AKAP13: variants seen among roughly 807,000 people sequenced by gnomAD.
The protein encoded by AKAP13 is A-kinase anchor protein 13.
Under a neutral mutation model 264.5 loss-of-function variants are expected in AKAP13, and 80 were observed. The observed-to-expected ratio is 0.30, with a 90% CI of 0.25 to 0.36. AKAP13 has a LOEUF of 0.36. Among genes scored for constraint, AKAP13 ranks in the 10% least tolerant of loss-of-function variants. AKAP13 has a pLI of 1.00. For missense variants in AKAP13, 3,712 were observed against 3,435.2 expected (o/e 1.08, Z -2.01); for synonymous variants, 1,380 against 1,250.2 (o/e 1.10, Z -2.19).
chr15:85,642,012 A>G (rs1209253860), intron 9 of AKAP13, among the ~76,000 whole-genome samples: 1 of 152,232 alleles, frequency 6.6e-6, no homozygotes. Context: ...CTGAAAAGCT[A>G]ATAGCTCAGT....
intron 17 of AKAP13, among the ~76,000 whole-genome samples, chr15:85,704,467 A>G (rs1415828196): frequency 1.3e-5 from 2 of 152,228 alleles, no homozygotes. Context: ...GTTAAAAAAA[A>G]GATACAGCAA....
intron 5 of AKAP13, among the ~76,000 whole-genome samples, chr15:85,553,737 C>T (rs1394967486): frequency 6.6e-6 from 1 of 152,188 alleles, no homozygotes. Flanking sequence ...TGTTAGGACC[C>T]AGGTTGCACA....
chr15:85,392,420 A>G (rs1282804670), intron 1 of AKAP13, among the ~76,000 whole-genome samples: 2 of 151,230 alleles, frequency 1.3e-5, no homozygotes, highest in Non-Finnish European at 3.0e-5. Context: ...ACGCCCGGCT[A>G]ATTTTTGTAT....
At chr15:85,621,685 T>C (rs971293349) in intron 8 of AKAP13, among the ~76,000 whole-genome samples, 1 of 152,212 alleles carries the variant, frequency 6.6e-6, no homozygotes, top group Non-Finnish European at 1.5e-5. Context: ...TGCTGTTTTA[T>C]AGTTTTAATG....
intron 30 of AKAP13, among the ~76,000 whole-genome samples, chr15:85,732,074 C>T (rs1328342834): frequency 1.8e-5 from 2 of 112,232 alleles, no homozygotes; most frequent in Admixed American, 1.0e-4. Flanking sequence ...CAGAGCGAGA[C>T]TATCTCAAAA....
chr15:85,477,173 A>C (rs1272140512), intron 1 of AKAP13, among the ~76,000 whole-genome samples: 2 of 152,018 alleles, frequency 1.3e-5, no homozygotes, highest in Non-Finnish European at 2.9e-5. Context: ...TACTTCTGTG[A>C]AGGCAGAGAG....
chr15:85,407,968 A>G (rs184723129), intron 1 of AKAP13, among the ~76,000 whole-genome samples: 34 of 151,766 alleles, frequency 2.2e-4, no homozygotes, highest in African/African-American at 8.3e-4. Context: ...CAGCAGATCT[A>G]ATGGACATTT....
intron 5 of AKAP13, among the ~76,000 whole-genome samples, chr15:85,550,958 T>TG (rs2077941853): frequency 6.6e-6 from 1 of 152,332 alleles, no homozygotes; most frequent in African/African-American, 2.4e-5. Context: ...GTGCTTTACT[T>TG]GCGTTTTCAT....
At chr15:85,714,538 C>T (rs1438948186) in intron 19 of AKAP13, among the ~76,000 whole-genome samples, 2 of 152,262 alleles carry the variant, frequency 1.3e-5, no homozygotes, top group African/African-American at 2.4e-5. Flanking sequence ...GATATGTAGA[C>T]TCTTGGGTTC....
At chr15:85,413,020 C>T (rs1737044149) in intron 1 of AKAP13, among the ~76,000 whole-genome samples, 1 of 152,158 alleles carries the variant, frequency 6.6e-6, no homozygotes, top group Admixed American at 6.5e-5. Flanking sequence ...AAGTTTTAGA[C>T]TTAGTTTAAG....
At chr15:85,674,105 A>C (rs1186850166) in intron 14 of AKAP13, among the ~76,000 whole-genome samples, 2 of 151,706 alleles carry the variant, frequency 1.3e-5, no homozygotes, top group Non-Finnish European at 2.9e-5. Context: ...ATTAGTGGTG[A>C]TAATGTTGAA....
At chr15:85,391,547 C>T (rs561977514) in intron 1 of AKAP13, among the ~76,000 whole-genome samples, 4 of 150,372 alleles carry the variant, frequency 2.7e-5, no homozygotes, top group South Asian at 2.1e-4. Context: ...TGCAGTGGCG[C>T]GATCTCGGCT....
chr15:85,741,309 G>C lies in AKAP13; in HGVS notation c.7872G>C (p.Glu2624Asp). ...AGGCCCTCCTGGCCCAGCGCGAGGA[G>C]GAGGTGCAGCAGGGGCAGCAGGACC... ...EREALLAQRE[E>D]EVQQGQQDLE... Residue 2624 changes from glutamate to aspartate, a missense_variant, in exon 35 of 37, where the codon GAG (glutamate) becomes GAC (aspartate). Physicochemically the swap from Glu to Asp is conservative, Grantham distance 45 (BLOSUM62 2). Around this residue, in one of 3 missense-constraint regions of AKAP13, gnomAD observed 611 missense variants for 539.3 expected, o/e 1.13. Coordinates refer to ENST00000394518, the MANE Select transcript of AKAP13 (RefSeq NM_007200.5). 1 of 1,612,858 alleles carries C rather than the reference G, an allele frequency of 6.2e-7. No homozygotes were observed. The highest frequency in any genetic ancestry group is 1.1e-5 in the South Asian group (1 of 90,930).
At chr15:85,467,860 A>C (rs1004884100) in intron 1 of AKAP13, among the ~76,000 whole-genome samples, 2 of 152,180 alleles carry the variant, frequency 1.3e-5, no homozygotes, top group African/African-American at 4.8e-5. Flanking sequence ...AGATCCAGCA[A>C]GTTTGGTCAG....
At chr15:85,512,887 C>G (rs979737159) in intron 2 of AKAP13, among the ~76,000 whole-genome samples, 1 of 152,028 alleles carries the variant, frequency 6.6e-6, no homozygotes, top group Non-Finnish European at 1.5e-5. Context: ...GGTGGAGTCT[C>G]GCTCTGTAGC....
intron 1 of AKAP13, among the ~76,000 whole-genome samples, chr15:85,450,576 A>C (rs1292725767): frequency 1.3e-5 from 2 of 152,116 alleles, no homozygotes; most frequent in Non-Finnish European, 2.9e-5. Flanking sequence ...CATTATTTTC[A>C]AATAACTTCT....
At chr15:85,538,388 T>G (rs1305399960) in intron 4 of AKAP13, among the ~76,000 whole-genome samples, 1 of 152,202 alleles carries the variant, frequency 6.6e-6, no homozygotes, top group Non-Finnish European at 1.5e-5. Flanking sequence ...AGCCTGTGTA[T>G]TCCCAATTCT....
intron 16 of AKAP13, among the ~76,000 whole-genome samples, chr15:85,688,840 A>T (rs1333722585): frequency 6.6e-6 from 1 of 152,242 alleles, no homozygotes; most frequent in Non-Finnish European, 1.5e-5. Flanking sequence ...GGGATGCTAA[A>T]CAGGAAGTAT....
intron 5 of AKAP13, among the ~76,000 whole-genome samples, chr15:85,569,076 T>G (rs2078711719): frequency 1.3e-5 from 2 of 152,220 alleles, no homozygotes. Flanking sequence ...TTGCTAGGGA[T>G]AACAGTGGTT....
Sources: allele counts gnomAD v4.1 joint callset (sites outside exome capture counted in the v4.1 genomes callset), GRCh38; gene constraint gnomAD v4.1.1; regional missense constraint gnomAD v4.1.1; transcripts MANE v1.5; gene names NCBI Gene and HGNC (gene_info 2026-07-23, HGNC 2026-07-21).